CHSY1: variants seen among roughly 807,000 people sequenced by gnomAD.
CHSY1 encodes N-acetylgalactosaminyl-proteoglycan 3-beta-glucuronosyltransferase 1.
In CHSY1, 13 loss-of-function variants were observed where a neutral mutation model predicts 59.8. The ratio of observed to expected loss-of-function variants is 0.22; its 90% confidence interval spans 0.14 to 0.35. The LOEUF (loss-of-function observed/expected upper bound fraction) is 0.35, where lower values mean the gene tolerates loss of function less well. Ranked by LOEUF, CHSY1 falls within the 10% of genes least tolerant of loss-of-function variation. The pLI is 1.00. For missense variants in CHSY1, 947 were observed against 1,030.6 expected (o/e 0.92, Z 1.11); for synonymous variants, 459 against 401.2 (o/e 1.14, Z -1.72).
At chr15:101,249,510 A>T (rs1437006276) in intron 1 of CHSY1, among the ~76,000 whole-genome samples, 3 of 113,044 alleles carry the variant, frequency 2.7e-5, no homozygotes, top group Non-Finnish European at 5.1e-5. Context: ...GATAGATAGA[A>T]TTTTTTTTTT....
intron 2 of CHSY1, among the ~76,000 whole-genome samples, chr15:101,180,399 C>A (rs549566932): frequency 7.9e-5 from 12 of 152,306 alleles, no homozygotes; most frequent in Non-Finnish European, 1.0e-4. Flanking sequence ...ATGGCAGGTG[C>A]ACGCATGGAC....
chr15:101,244,674 G>A (rs369481492), intron 1 of CHSY1, among the ~76,000 whole-genome samples: 2 of 152,140 alleles, frequency 1.3e-5, no homozygotes, highest in Non-Finnish European at 2.9e-5. Flanking sequence ...ATACACTTTT[G>A]TTTTACTTTA....
chr15:101,228,806 C>A (rs1596449884), intron 2 of CHSY1, among the ~76,000 whole-genome samples: 1 of 152,142 alleles, frequency 6.6e-6, no homozygotes, highest in African/African-American at 2.4e-5. Context: ...ATAAGGGTAA[C>A]TACATAGGTA....
intron 2 of CHSY1, among the ~76,000 whole-genome samples, chr15:101,230,552 T>C (rs944855644): frequency 6.6e-6 from 1 of 152,178 alleles, no homozygotes; most frequent in Non-Finnish European, 1.5e-5. Context: ...GTGTGAATTT[T>C]TTTTAAAAAA....
rs547244023 is a variant in CHSY1, at chr15:101,208,582, G to A, written c.816+26500C>T. Among the ~76,000 whole-genome samples the A allele has an allele frequency of 7.9e-5, 12 of 152,088 alleles. 1 individual carries two copies. In the East Asian group the frequency reaches 2.1e-3, roughly 27 times the overall value. On this transcript the variant is annotated intron_variant, in intron 2 of 2. Transcript: ENST00000254190. ...ACAAAAATTAGCCAGGTATGGTGGC[G>A]GACGCCTGTAATACCAACTACTCGG...
chr15:101,189,384 CAAAGCACAAACT>C, intron 2 of CHSY1: 2 of 957,764 alleles, frequency 2.1e-6, no homozygotes, highest in African/African-American at 3.5e-5. Context: ...AGGGGACTGC[CAAAGCACAAACT>C]AAATCAAAAA....
At chr15:101,228,969 G>A (rs1232322214) in intron 2 of CHSY1, among the ~76,000 whole-genome samples, 1 of 152,136 alleles carries the variant, frequency 6.6e-6, no homozygotes, top group Non-Finnish European at 1.5e-5. Context: ...CACAAAGGGA[G>A]GAGACAACAC....
At chr15:101,189,874 C>T (rs1461094494) in intron 2 of CHSY1, among the ~76,000 whole-genome samples, 1 of 152,278 alleles carries the variant, frequency 6.6e-6, no homozygotes, top group East Asian at 1.9e-4. Context: ...CACAGTGGCG[C>T]TGTGGGCGGG....
At chr15:101,247,263 T>C (rs2039061274) in intron 1 of CHSY1, among the ~76,000 whole-genome samples, 1 of 152,174 alleles carries the variant, frequency 6.6e-6, no homozygotes, top group South Asian at 2.1e-4. Context: ...GCCTTGGGAC[T>C]TCCCGGTGCT....
At chr15:101,184,299 GT>G (rs1386537827) in intron 2 of CHSY1, among the ~76,000 whole-genome samples, 2 of 152,110 alleles carry the variant, frequency 1.3e-5, no homozygotes, top group Non-Finnish European at 2.9e-5. Flanking sequence ...CAGACTGAGG[GT>G]TTTAAACTAC....
chr15:101,178,651 T>A lies in CHSY1; in HGVS notation c.1146A>T (p.Lys382Asn), dbSNP rs778749871. ...EILEWEFLTG[K>N]YLYSAVDGQP... Reference sequence around the variant, plus strand: ...GGCCGTCAACTGCCGAATACAAGTATTTTCCAGTCAGAAACTCCCATTCCA... The same window carrying A: ...GGCCGTCAACTGCCGAATACAAGTAATTTCCAGTCAGAAACTCCCATTCCA... The change falls in exon 3 of 3, where the codon AAA (lysine) becomes AAT (asparagine). Residue 382 changes from lysine (K) to asparagine (N), a missense_variant. Coordinates refer to ENST00000254190, the MANE Select transcript of CHSY1 (RefSeq NM_014918.5). The A allele has an allele frequency of 1.9e-5, 31 of 1,614,206 alleles. No individual in the cohort carries two copies. Among genetic ancestry groups the A allele is most frequent in the Non-Finnish European group, 2.1e-5 (25 of 1,180,036 alleles).
At chr15:101,190,529 G>A (rs2038429871) in intron 2 of CHSY1, among the ~76,000 whole-genome samples, 1 of 152,180 alleles carries the variant, frequency 6.6e-6, no homozygotes, top group African/African-American at 2.4e-5. Flanking sequence ...AAACAGAGGA[G>A]AAAATCTAGA....
intron 2 of CHSY1, among the ~76,000 whole-genome samples, chr15:101,208,020 A>C (rs2038645111): frequency 6.6e-6 from 1 of 152,248 alleles, no homozygotes; most frequent in Admixed American, 6.5e-5. Context: ...GCTCACTTAC[A>C]GCGGAAACTG....
intron 2 of CHSY1, among the ~76,000 whole-genome samples, chr15:101,195,532 TA>T (rs1358885566): frequency 6.6e-6 from 1 of 152,210 alleles, no homozygotes; most frequent in African/African-American, 2.4e-5. Flanking sequence ...ATTTTTTATT[TA>T]AAAGCTGGCC....
Position 101,234,026 on chromosome 15 carries a change from A to C in CHSY1, c.816+1056T>G, listed in dbSNP as rs554936646. Among the ~76,000 whole-genome samples, 6 of 152,298 alleles carry C rather than the reference A, an allele frequency of 3.9e-5. No individual in the cohort carries two copies. The South Asian group carries it at 1.0e-3, about 26-fold the overall frequency. ...ACCTAAAGACAATACAACCTCAATA[A>C]TTTTTTTCACCATTAACTGGTATCA... On this transcript the variant is annotated intron_variant, in intron 2 of 2. Coordinates refer to ENST00000254190, the MANE Select transcript of CHSY1 (RefSeq NM_014918.5).
intron 1 of CHSY1, among the ~76,000 whole-genome samples, chr15:101,239,714 T>TACGTTTCTGGCTA (rs113892335): frequency 0.31 from 47,244 of 151,936 alleles, 10,128 homozygotes; most frequent in African/African-American, 0.62. Context: ...AAATGCTTCT[T>TACGTTTCTGGCTA]AAAACCTGAG....
rs908030078 is a variant in CHSY1, at chr15:101,176,183, C to T, written c.*1205G>A. The T allele has an allele frequency of 2.5e-6, 1 of 398,454 alleles. No homozygotes were observed. The highest frequency in any genetic ancestry group is 2.1e-5 in the African/African-American group (1 of 48,610). 24.7% of individuals were successfully genotyped at this position (398,454 alleles called of 1,614,324 possible). A position where few individuals can be genotyped will look rare whatever the true frequency, so the allele number is the denominator to read the frequency against. On this transcript the variant is annotated 3_prime_UTR_variant, in exon 3 of 3. Transcript: ENST00000254190. Reference sequence around the variant, plus strand: ...TCCCGATACACATAAATAATACTAACTAACAGGTACTCAAGAAATGGCAGA... The same window carrying T: ...TCCCGATACACATAAATAATACTAATTAACAGGTACTCAAGAAATGGCAGA...
At chr15:101,187,875 G>T in intron 2 of CHSY1, 1 of 252,946 alleles carries the variant, frequency 4.0e-6, no homozygotes, top group Non-Finnish European at 6.2e-6. Context: ...AGGGCTCTGC[G>T]TCATTCTCCA....
chr15:101,235,733 C>T (rs1041612135), intron 1 of CHSY1, among the ~76,000 whole-genome samples, 156 bp from the exon 2 acceptor site: 7 of 151,982 alleles, frequency 4.6e-5, no homozygotes, highest in Non-Finnish European at 8.8e-5. Context: ...CAGGTTACCG[C>T]GTATTGCAAA....
Sources: gnomAD v4.1 joint callset for allele counts (sites outside exome capture counted in the v4.1 genomes callset) on GRCh38, gnomAD v4.1.1 for gene constraint, MANE v1.5 for transcripts, NCBI Gene and HGNC (gene_info 2026-07-23, HGNC 2026-07-21) for gene names.